The following PITPNA variants were observed in gnomAD, a reference collection of about 807,000 sequenced individuals.
The protein encoded by PITPNA is phosphatidylinositol transfer protein alpha isoform.
A neutral mutation model predicts 50.3 loss-of-function variants in PITPNA; 13 were observed. That is an observed-to-expected ratio of 0.26 (90% confidence interval 0.17 to 0.41). The LOEUF (loss-of-function observed/expected upper bound fraction) is 0.41. PITPNA is among the 10% of genes least tolerant of loss of function. The probability of loss-of-function intolerance (pLI) is 1.00; values close to 1 mark genes in which losing one functional copy is unlikely to be tolerated. For missense variants in PITPNA, 207 were observed against 333.4 expected (o/e 0.62, Z 2.95); for synonymous variants, 120 against 119.6 (o/e 1.00, Z -0.02).
intron 1 of PITPNA, among the ~76,000 whole-genome samples, chr17:1,559,355 G>T (rs567966581): frequency 3.9e-5 from 6 of 152,314 alleles, no homozygotes; most frequent in Non-Finnish European, 8.8e-5. Context: ...AGAAGCCGTG[G>T]CCGGCAAAGT....
At chr17:1,521,873 C>CTTTTTT (rs869029944) in intron 10 of PITPNA, among the ~76,000 whole-genome samples, 201 of 121,818 alleles carry the variant, frequency 1.6e-3, no homozygotes, top group Non-Finnish European at 2.9e-3. Context: ...TTTGAAGCAC[C>CTTTTTT]TTTTTTTTTT....
At chr17:1,541,876 G>A (rs984561092) in intron 5 of PITPNA, 1 of 610,890 alleles carries the variant, frequency 1.6e-6, no homozygotes, top group African/African-American at 1.8e-5. Flanking sequence ...TACAGATGAG[G>A]TTCAAAGAGG....
rs2075485509 is a variant in PITPNA at position 1,518,444 on chromosome 17, A to C, written c.*2117T>G. 6.5e-6 allele frequency: 1 copy of C among 152,678 alleles called. No individual in the cohort carries two copies. Among genetic ancestry groups the C allele is most frequent in the Non-Finnish European group, 1.5e-5 (1 of 68,062 alleles). 9.5% of individuals were successfully genotyped at this position (152,678 alleles called of 1,614,324 possible). On this transcript the variant is annotated 3_prime_UTR_variant, in exon 12 of 12. Coordinates refer to ENST00000313486, the MANE Select transcript of PITPNA (RefSeq NM_006224.4). ...AGGAGGAAAGGGGGTACTTAAAAGA[A>C]GCCAACACTGTTGCCCAGCAGCAAC...
chr17:1,549,621 A>G (rs927182864), intron 3 of PITPNA, among the ~76,000 whole-genome samples: 1 of 143,818 alleles, frequency 7.0e-6, no homozygotes, highest in African/African-American at 2.6e-5. Context: ...CCTGGCCTAG[A>G]AAGATTTTTT....
At chr17:1,533,724 A>G (rs2075597715) in intron 10 of PITPNA, among the ~76,000 whole-genome samples, 1 of 152,136 alleles carries the variant, frequency 6.6e-6, no homozygotes, top group South Asian at 2.1e-4. Context: ...TCTGTGGGTA[A>G]TGTGCATGGT....
chr17:1,542,970 T>C (rs2075655152), intron 5 of PITPNA, 50 bp downstream of exon 5: 5 of 1,468,272 alleles, frequency 3.4e-6, no homozygotes, highest in Middle Eastern at 3.4e-4. Context: ...TTTTTCTCTC[T>C]CCTGTTCTTA....
At chr17:1,525,235 G>A (rs565355506) in intron 10 of PITPNA, among the ~76,000 whole-genome samples, 5 of 151,890 alleles carry the variant, frequency 3.3e-5, no homozygotes, top group African/African-American at 2.4e-5. Context: ...TGATCCGCCC[G>A]CCTCAGCCTC....
At chr17:1,520,821 G>A (rs747889217) in intron 11 of PITPNA, among the ~76,000 whole-genome samples, 14 of 152,334 alleles carry the variant, frequency 9.2e-5, no homozygotes, top group East Asian at 5.8e-4. Context: ...CTCCTTGCCC[G>A]TAGGGTTAGA....
intron 3 of PITPNA, among the ~76,000 whole-genome samples, chr17:1,548,613 CACA>C (rs909496283): frequency 9.8e-5 from 15 of 152,288 alleles, no homozygotes; most frequent in African/African-American, 3.1e-4. Context: ...AACAGGACCA[CACA>C]AGAGACCCCA....
intron 10 of PITPNA, among the ~76,000 whole-genome samples, chr17:1,529,633 T>A (rs943165105): frequency 6.6e-6 from 1 of 151,720 alleles, no homozygotes; most frequent in African/African-American, 2.4e-5. Flanking sequence ...GGCGGGTGGG[T>A]CACCTGAGCT....
In PITPNA at chr17:1,555,397, G is replaced by T. The variant is rs118070911; in HGVS notation, c.52-2248C>A. On this transcript the variant is annotated intron_variant, in intron 2 of 11. Transcript: ENST00000313486. ...GCTACAAGTGAAGGGCGCTTTTCAC[G>T]TTAGAGTTCCTTTTGGCACAGCTGC... Among the ~76,000 whole-genome samples the T allele has an allele frequency of 1.4e-3, 215 of 152,322 alleles. 1 individual carries two copies. The highest frequency in any genetic ancestry group is 2.4e-3 in the Non-Finnish European group (164 of 68,024).
intron 4 of PITPNA, among the ~76,000 whole-genome samples, chr17:1,543,463 C>T (rs1033588973): frequency 6.6e-6 from 1 of 152,164 alleles, no homozygotes; most frequent in African/African-American, 2.4e-5. Context: ...CCCTTCCTCT[C>T]GCTGTAATCA....
intron 6 of PITPNA, among the ~76,000 whole-genome samples, 189 bp from the exon 7 acceptor site, chr17:1,539,141 G>A (rs2075634462): frequency 6.6e-6 from 1 of 151,982 alleles, no homozygotes. Flanking sequence ...TTTAAGAGAT[G>A]GGGTCTCACC....
chr17:1,528,458 A>G (rs921407491), intron 10 of PITPNA, among the ~76,000 whole-genome samples: 2 of 152,194 alleles, frequency 1.3e-5, no homozygotes, highest in Non-Finnish European at 2.9e-5. Flanking sequence ...ATTTAAAAAG[A>G]AAACAGGGCC....
chr17:1,559,660 G>T, intron 1 of PITPNA: 2 of 483,736 alleles, frequency 4.1e-6, no homozygotes, highest in Non-Finnish European at 5.4e-6. Flanking sequence ...CACCACTCAG[G>T]CTCCTTGCTC....
At chr17:1,545,500 T>C (rs1420906689) in intron 4 of PITPNA, among the ~76,000 whole-genome samples, 1 of 152,208 alleles carries the variant, frequency 6.6e-6, no homozygotes, top group Non-Finnish European at 1.5e-5. Flanking sequence ...ATCCATTCTG[T>C]GTGAAGGTGT....
Position 1,538,910 on chromosome 17 carries a change from C to G in PITPNA, c.415G>C (p.Val139Leu). 6.2e-7 allele frequency: 1 copy of G among 1,613,722 alleles called. No individual in the cohort carries two copies. Among genetic ancestry groups the G allele is most frequent in the Non-Finnish European group, 8.5e-7 (1 of 1,179,650 alleles). Reference protein sequence around the residue: ...EPEAWKHVEAVYIDIADRSQV... With the variant: ...EPEAWKHVEALYIDIADRSQV... ...CTTCGATCTGCAATGTCTATATATA[C>G]GGCTTCCACGTGTTTCCACGCCTCA... Residue 139 changes from valine to leucine, a missense_variant, in exon 7 of 12, where the codon GTA becomes CTA. Coordinates refer to ENST00000313486, the MANE Select transcript of PITPNA (RefSeq NM_006224.4).
intron 7 of PITPNA, among the ~76,000 whole-genome samples, chr17:1,537,113 T>A (rs1425440742): frequency 6.6e-6 from 1 of 151,124 alleles, no homozygotes; most frequent in Admixed American, 6.6e-5. Context: ...TTGCCCAGGC[T>A]GGTGCAAAGG....
intron 2 of PITPNA, among the ~76,000 whole-genome samples, chr17:1,556,925 C>T (rs2075737751): frequency 6.6e-6 from 1 of 152,072 alleles, no homozygotes; most frequent in Admixed American, 6.6e-5. Flanking sequence ...GAGACCCTAT[C>T]TCCACTATTT....
Sources: gnomAD v4.1 joint callset for allele counts (sites outside exome capture counted in the v4.1 genomes callset) on GRCh38, gnomAD v4.1.1 for gene constraint, MANE v1.5 for transcripts, NCBI Gene and HGNC (gene_info 2026-07-23, HGNC 2026-07-21) for gene names.